The following MAP4K4 variants were observed in gnomAD, a reference collection of about 807,000 sequenced individuals.
MAP4K4 encodes the protein mitogen-activated protein kinase kinase kinase kinase 4, also known as HPK/GCK-like kinase HGK.
In MAP4K4, 38 loss-of-function variants were observed where a neutral mutation model predicts 189.6. That is an observed-to-expected ratio of 0.20 (90% CI 0.15 to 0.26). The LOEUF (loss-of-function observed/expected upper bound fraction) is 0.26, where lower values mean the gene tolerates loss of function less well. Among genes scored for constraint, MAP4K4 ranks in the 10% least tolerant of loss-of-function variants. The pLI, the probability that MAP4K4 is intolerant of heterozygous loss-of-function variation, is 1.00. For synonymous variants in MAP4K4, 610 were observed against 624.3 expected, an observed-to-expected ratio of 0.98 and a Z score of 0.34; for missense variants, 1,054 against 1,726.9, an observed-to-expected ratio of 0.61 and a Z score of 6.91.
intron 12 of MAP4K4, among the ~76,000 whole-genome samples, chr2:101,850,557 C>G (rs1317293700): frequency 6.6e-6 from 1 of 152,192 alleles, no homozygotes; most frequent in African/African-American, 2.4e-5. Context: ...CCATTAGTAT[C>G]TAACATTAGG....
chr2:101,698,012 C>A lies in MAP4K4; in HGVS notation c.-69C>A. 2 of 1,114,610 alleles carry A rather than the reference C, an allele frequency of 1.8e-6. No individual in the cohort carries two copies. Among genetic ancestry groups the A allele is most frequent in the South Asian group, 3.2e-5 (2 of 62,956 alleles). The allele number at this position is 1,114,610 out of a possible 1,614,324, so 69.0% of individuals were successfully genotyped here. A position where few individuals can be genotyped will look rare whatever the true frequency, so the allele number is the denominator to read the frequency against. On this transcript the variant is annotated 5_prime_UTR_variant, in exon 1 of 33. In the 5' UTR this introduces an upstream ATG that the reference lacks. Transcript: ENST00000324219. ...CGAGGAGCGCGGTCGGCGGCCTGGTCTGCGGCTGAGATACACAGAGCGACA... is the reference window on the plus strand; with the variant it reads ...CGAGGAGCGCGGTCGGCGGCCTGGTATGCGGCTGAGATACACAGAGCGACA...
chr2:101,698,069 C>A, exon 1 of MAP4K4: 1 of 1,319,656 alleles, frequency 7.6e-7, no homozygotes, highest in Non-Finnish European at 1.0e-6. Flanking sequence ...TTTTTGGTGG[C>A]AAAAAGGGAA....
At chr2:101,698,195 G>T (rs1422372216) in intron 1 of MAP4K4, 58 bp downstream of exon 1, 2 of 547,980 alleles carry the variant, frequency 3.6e-6, no homozygotes, top group Non-Finnish European at 4.7e-6. Context: ...CGGCAGCCGG[G>T]GCCGCGCCCA....
At chr2:101,732,062 A>AT (rs1479733170) in intron 2 of MAP4K4, among the ~76,000 whole-genome samples, 1 of 152,154 alleles carries the variant, frequency 6.6e-6, no homozygotes, top group Non-Finnish European at 1.5e-5. Context: ...TTTTTATGGT[A>AT]ACATGTATGT....
exon 16 of MAP4K4, chr2:101,860,914 C>T: frequency 6.2e-7 from 1 of 1,607,526 alleles, no homozygotes; most frequent in Non-Finnish European, 8.5e-7. Flanking sequence ...CAGTGCCTTC[C>T]CGATCAGAGT....
intron 2 of MAP4K4, among the ~76,000 whole-genome samples, chr2:101,713,917 C>T (rs1047080019): frequency 2.0e-5 from 3 of 151,988 alleles, no homozygotes; most frequent in African/African-American, 7.3e-5. Context: ...TCTAATTTCC[C>T]ATCATCTGAT....
intron 2 of MAP4K4, among the ~76,000 whole-genome samples, chr2:101,764,761 C>A (rs1021049754): frequency 6.6e-6 from 1 of 152,126 alleles, no homozygotes; most frequent in Non-Finnish European, 1.5e-5. Flanking sequence ...AAGACCCTGA[C>A]CTCTTTGATA....
chr2:101,806,684 G>T (rs1199165485), intron 3 of MAP4K4, among the ~76,000 whole-genome samples: 2 of 152,236 alleles, frequency 1.3e-5, no homozygotes, highest in East Asian at 3.9e-4. Context: ...GGCCTCAGCT[G>T]TTTCACTTTT....
At chr2:101,876,895 T>C (rs1398412890) in intron 26 of MAP4K4, 108 bp from the exon 27 acceptor site, 1 of 1,114,310 alleles carries the variant, frequency 9.0e-7, no homozygotes, top group Non-Finnish European at 1.3e-6. Context: ...CTGGGTGAAT[T>C]AAGGAAGCTA....
intron 18 of MAP4K4, among the ~76,000 whole-genome samples, chr2:101,866,010 A>C (rs2149950696): frequency 1.3e-5 from 2 of 152,330 alleles, no homozygotes; most frequent in Admixed American, 1.3e-4. Flanking sequence ...ATTCTTTGTA[A>C]GTGTCAGTTT....
intron 4 of MAP4K4, 30 bp downstream of exon 4, chr2:101,824,083 GCATTCCATTTGCTTGAATTGTAA>G: frequency 8.6e-7 from 1 of 1,156,620 alleles, no homozygotes; most frequent in Non-Finnish European, 1.1e-6. Context: ...GCATTTGTGG[GCATTCCATTTGCTTGAATTGTAA>G]GGGCATGGCG....
At chr2:101,718,606 G>T (rs2049907155) in intron 2 of MAP4K4, among the ~76,000 whole-genome samples, 1 of 134,516 alleles carries the variant, frequency 7.4e-6, no homozygotes, top group Non-Finnish European at 1.6e-5. Flanking sequence ...TGGGGGATGG[G>T]GGGTGGGGTG....
At chr2:101,838,728 AC>A (rs1228288804) in intron 9 of MAP4K4, among the ~76,000 whole-genome samples, 1 of 152,238 alleles carries the variant, frequency 6.6e-6, no homozygotes, top group Non-Finnish European at 1.5e-5. Context: ...AATAGTTGAT[AC>A]GTAAATATTT....
chr2:101,824,716 C>T (rs2149345035), intron 4 of MAP4K4, among the ~76,000 whole-genome samples: 1 of 152,274 alleles, frequency 6.6e-6, no homozygotes, highest in South Asian at 2.1e-4. Context: ...AAAAAATTTA[C>T]TGTTACTATT....
chr2:101,862,235 C>T (rs2097682913), intron 16 of MAP4K4: 2 of 111,490 alleles, frequency 1.8e-5, no homozygotes, highest in African/African-American at 8.0e-5. Context: ...AGTGAGACTC[C>T]ATCTTAAAAA....
At chr2:101,766,039 G>A (rs978724543) in intron 2 of MAP4K4, among the ~76,000 whole-genome samples, 9 of 152,128 alleles carry the variant, frequency 5.9e-5, no homozygotes, top group Non-Finnish European at 1.2e-4. Flanking sequence ...TGGAAAGTGT[G>A]GACACTTTCA....
At chr2:101,791,788 A>G (rs1449824004) in intron 3 of MAP4K4, among the ~76,000 whole-genome samples, 1 of 152,190 alleles carries the variant, frequency 6.6e-6, no homozygotes, top group Non-Finnish European at 1.5e-5. Flanking sequence ...ATTGGAAAAC[A>G]CTGTTGTCTC....
At chr2:101,833,446 C>G (rs1032152847) in intron 7 of MAP4K4, among the ~76,000 whole-genome samples, 11 of 151,596 alleles carry the variant, frequency 7.3e-5, no homozygotes, top group East Asian at 3.9e-4. Context: ...CGGTGAAACC[C>G]CATCTTTACT....
chr2:101,702,194 AT>A (rs1337495737), intron 2 of MAP4K4, among the ~76,000 whole-genome samples: 1 of 152,054 alleles, frequency 6.6e-6, no homozygotes, highest in African/African-American at 2.4e-5. Flanking sequence ...TTATTTGACC[AT>A]TTTTGTGTTC....
Sources: allele counts gnomAD v4.1 joint callset (sites outside exome capture counted in the v4.1 genomes callset), GRCh38; gene constraint gnomAD v4.1.1; transcripts MANE v1.5; gene names NCBI Gene and HGNC (gene_info 2026-07-23, HGNC 2026-07-21).